The following ERBB4 variants were observed in gnomAD, a reference collection of about 807,000 sequenced individuals.
ERBB4 encodes receptor tyrosine-protein kinase erbB-4.
ERBB4 carries 42 observed loss-of-function variants against 158.0 expected under a neutral mutation model. The observed-to-expected ratio is 0.27, with a 90% CI of 0.21 to 0.34. The LOEUF (loss-of-function observed/expected upper bound fraction) is 0.34, where lower values mean the gene tolerates loss of function less well. ERBB4 is among the 10% of genes least tolerant of loss of function. ERBB4 has a pLI of 1.00. For synonymous variants in ERBB4, 583 were observed against 558.7 expected (o/e 1.04, Z -0.61); for missense variants, 1,333 against 1,624.1 (o/e 0.82, Z 3.08).
intron 16 of ERBB4, among the ~76,000 whole-genome samples, chr2:211,656,943 G>A (rs1361594983): frequency 6.6e-6 from 1 of 152,062 alleles, no homozygotes; most frequent in African/African-American, 2.4e-5. Context: ...TTTTGTGTGG[G>A]AATGAGTCTT....
intron 3 of ERBB4, among the ~76,000 whole-genome samples, chr2:211,861,859 C>T (rs1224748478): frequency 6.7e-6 from 1 of 149,902 alleles, no homozygotes; most frequent in Non-Finnish European, 1.5e-5. Flanking sequence ...GGAATGCTGA[C>T]CAATGGGGTT....
chr2:211,631,959 T>G (rs1172862735), intron 16 of ERBB4, among the ~76,000 whole-genome samples: 1 of 152,100 alleles, frequency 6.6e-6, no homozygotes, highest in Non-Finnish European at 1.5e-5. Context: ...TGGTGGATGA[T>G]TCTCAATAAA....
chr2:212,136,629 T>C (rs2080279527), intron 1 of ERBB4, among the ~76,000 whole-genome samples: 1 of 152,222 alleles, frequency 6.6e-6, no homozygotes, highest in Non-Finnish European at 1.5e-5. Flanking sequence ...TGTTCCCTAG[T>C]ACATGAGTAT....
intron 2 of ERBB4, among the ~76,000 whole-genome samples, chr2:212,122,207 T>C (rs1287820239): frequency 6.6e-6 from 1 of 151,926 alleles, no homozygotes; most frequent in Non-Finnish European, 1.5e-5. Flanking sequence ...ACAGTACTTA[T>C]ATATTACATA....
chr2:212,340,504 T>C (rs111811536), intron 1 of ERBB4, among the ~76,000 whole-genome samples: 4,638 of 152,132 alleles, frequency 0.03, 233 homozygotes, highest in African/African-American at 0.11. Context: ...CATCTGGGGG[T>C]GATGATAGAC....
chr2:212,483,431 A>C (rs1025527609), intron 1 of ERBB4, among the ~76,000 whole-genome samples: 1 of 152,144 alleles, frequency 6.6e-6, no homozygotes, highest in Non-Finnish European at 1.5e-5. Context: ...CTAATGTTAG[A>C]CTTTTTTGAC....
intron 1 of ERBB4, among the ~76,000 whole-genome samples, chr2:212,249,855 G>C (rs2084463910): frequency 6.6e-6 from 1 of 151,870 alleles, no homozygotes; most frequent in Admixed American, 6.6e-5. Flanking sequence ...CTTATTTATG[G>C]CAAATCAAAT....
chr2:211,873,291 A>G (rs1425024294), intron 3 of ERBB4, among the ~76,000 whole-genome samples: 1 of 152,194 alleles, frequency 6.6e-6, no homozygotes, highest in African/African-American at 2.4e-5. Context: ...ACAACATGTT[A>G]AGCGTGTAGT....
At chr2:211,616,378 A>G (rs763749069) in intron 19 of ERBB4, among the ~76,000 whole-genome samples, 7 of 152,120 alleles carry the variant, frequency 4.6e-5, no homozygotes, top group East Asian at 1.9e-4. Flanking sequence ...TGACTTTCAC[A>G]TTCTTATTTC....
At chr2:211,777,536 G>A (rs1436170005) in intron 4 of ERBB4, 1 of 152,112 alleles carries the variant, frequency 6.6e-6, no homozygotes, top group Non-Finnish European at 1.5e-5. Context: ...AAATTAGCAT[G>A]GTTGACACCT....
At chr2:211,888,016 T>G (rs569626786) in intron 3 of ERBB4, among the ~76,000 whole-genome samples, 2 of 152,326 alleles carry the variant, frequency 1.3e-5, no homozygotes, top group Admixed American at 6.5e-5. Flanking sequence ...ATCATATAAA[T>G]AAATTCCATT....
chr2:211,789,214 G>GC (rs1178897006), intron 3 of ERBB4, among the ~76,000 whole-genome samples: 1 of 152,092 alleles, frequency 6.6e-6, no homozygotes, highest in Non-Finnish European at 1.5e-5. Context: ...GAGAAATCAT[G>GC]CATCAGTCCA....
rs1417885587 is a variant in ERBB4, at chr2:212,201,121, T to C, written c.83-76218A>G. 2.0e-5 allele frequency among the ~76,000 whole-genome samples: 3 copies of C among 152,182 alleles called. No homozygotes were observed. In the East Asian group the frequency reaches 5.8e-4, roughly 29 times the overall value. ...ATTAGTCAATTAGATATTAAGAAAG[T>C]ACATTTAAAATTTAATTATGCAAGT... On this transcript the variant is annotated intron_variant, in intron 1 of 27. Transcript: ENST00000342788.
chr2:211,636,872 C>A (rs546602958), intron 16 of ERBB4, among the ~76,000 whole-genome samples: 2 of 152,038 alleles, frequency 1.3e-5, no homozygotes, highest in South Asian at 4.1e-4. Flanking sequence ...TTGCTAATGA[C>A]ACTCTGTTGT....
Position 211,420,469 on chromosome 2 carries a change from G to C in ERBB4, c.3107C>G (p.Thr1036Ser), listed in dbSNP as rs1256332820. Residue 1036 changes from threonine to serine, a missense_variant, in exon 25 of 28, where the codon ACT (threonine) becomes AGT (serine). Transcript: ENST00000342788. ...QAFNIPPPIY[T>S]SRARIDSNRS... ...ATTCGAGTCAATTCTTGCTCTGGAA[G>C]TATAGATGGGAGGTGGGATGTTGAA... 1 of 1,612,054 alleles carries C rather than the reference G, an allele frequency of 6.2e-7. No individual in the cohort carries two copies. The highest frequency in any genetic ancestry group is 2.2e-5 in the East Asian group (1 of 44,828).
chr2:212,341,026 C>T (rs148876527), intron 1 of ERBB4, among the ~76,000 whole-genome samples: 1,571 of 152,174 alleles, frequency 0.01, 20 homozygotes, highest in Non-Finnish European at 0.013. Context: ...TGCCTCACAA[C>T]TATGGCTCCA....
At chr2:211,879,686 A>C (rs1452842376) in intron 3 of ERBB4, among the ~76,000 whole-genome samples, 1 of 152,192 alleles carries the variant, frequency 6.6e-6, no homozygotes, top group African/African-American at 2.4e-5. Flanking sequence ...TGTAGCTGAC[A>C]ATGGAACAGT....
At chr2:212,222,831 A>G (rs1036145265) in intron 1 of ERBB4, among the ~76,000 whole-genome samples, 1 of 151,584 alleles carries the variant, frequency 6.6e-6, no homozygotes, top group African/African-American at 2.4e-5. Context: ...ACCAGACTGT[A>G]ATCTCCAGAA....
At chr2:212,050,448 A>G (rs909708199) in intron 2 of ERBB4, among the ~76,000 whole-genome samples, 3 of 152,022 alleles carry the variant, frequency 2.0e-5, no homozygotes, top group Non-Finnish European at 4.4e-5. Flanking sequence ...CTTTGTTAGC[A>G]CCCTGCCACA....
Sources: gnomAD v4.1 joint callset for allele counts (sites outside exome capture counted in the v4.1 genomes callset) on GRCh38, gnomAD v4.1.1 for gene constraint, MANE v1.5 for transcripts, NCBI Gene and HGNC (gene_info 2026-07-23, HGNC 2026-07-21) for gene names.